Variants in CELF4 observed in about 807,000 individuals in gnomAD.
The protein encoded by CELF4 is CUGBP Elav-like family member 4, also known as CUG-BP- and ETR-3-like factor 4.
A neutral mutation model predicts 59.9 loss-of-function variants in CELF4; 18 were observed. The observed-to-expected ratio is 0.30, with a 90% confidence interval of 0.21 to 0.45. The LOEUF (loss-of-function observed/expected upper bound fraction) is 0.45, where lower values mean the gene tolerates loss of function less well. CELF4 is among the 20% of genes least tolerant of loss of function. The pLI, the probability that CELF4 is intolerant of heterozygous loss-of-function variation, is 1.00. For synonymous variants in CELF4, 261 were observed against 267.1 expected (o/e 0.98, Z 0.22); for missense variants, 456 against 689.0 (o/e 0.66, Z 3.79).
intron 3 of CELF4, among the ~76,000 whole-genome samples, chr18:37,303,274 C>T (rs2096190790): frequency 6.6e-6 from 1 of 152,124 alleles, no homozygotes; most frequent in South Asian, 2.1e-4. Context: ...CTACCCAGGC[C>T]CCCTGCAAAG....
chr18:37,473,860 T>C (rs1470094652), intron 2 of CELF4: 1 of 152,274 alleles, frequency 6.6e-6, no homozygotes, highest in African/African-American at 2.4e-5. Context: ...GGAAGACATG[T>C]GCATAGTCTT....
At chr18:37,351,568 C>T (rs1378699593) in intron 2 of CELF4, among the ~76,000 whole-genome samples, 1 of 151,704 alleles carries the variant, frequency 6.6e-6, no homozygotes, top group Non-Finnish European at 1.5e-5. Context: ...TGTCCAGAAA[C>T]ACAGTTTTCA....
chr18:37,315,162 G>T (rs922031243), intron 3 of CELF4, among the ~76,000 whole-genome samples: 1 of 152,112 alleles, frequency 6.6e-6, no homozygotes, highest in Non-Finnish European at 1.5e-5. Context: ...TCCCTCCCAA[G>T]CCTGTGCCTT....
intron 2 of CELF4, among the ~76,000 whole-genome samples, chr18:37,423,419 C>A (rs1220631378): frequency 6.6e-6 from 1 of 152,086 alleles, no homozygotes; most frequent in Non-Finnish European, 1.5e-5. Context: ...GGAAGACTGC[C>A]TGGAGGAGGC....
chr18:37,391,990 G>A (rs1308299536), intron 2 of CELF4, among the ~76,000 whole-genome samples: 1 of 152,202 alleles, frequency 6.6e-6, no homozygotes, highest in African/African-American at 2.4e-5. Context: ...AGTGTGCAAG[G>A]CTGAGAACCA....
In CELF4 at chr18:37,444,728, G is replaced by T. The variant is rs375959192; in HGVS notation, c.369+40797C>A. Among the ~76,000 whole-genome samples, 118 of 152,102 alleles carry T rather than the reference G, an allele frequency of 7.8e-4. 3 individuals carry two copies. In the South Asian group the frequency reaches 0.022, roughly 28 times the overall value. Reference sequence around the variant, plus strand: ...GGGTGGGCTAGTTCCTGGGTATGGGGTGTTTCTCTGCACTGTCCATGGCCC... The same window carrying T: ...GGGTGGGCTAGTTCCTGGGTATGGGTTGTTTCTCTGCACTGTCCATGGCCC... On this transcript the variant is annotated intron_variant, in intron 2 of 12. Transcript: ENST00000420428.
At chr18:37,330,771 G>A (rs2097513349) in intron 2 of CELF4, among the ~76,000 whole-genome samples, 1 of 152,130 alleles carries the variant, frequency 6.6e-6, no homozygotes. Context: ...AGAGTGCCCA[G>A]AGGCCAGAAT....
rs1009927694 is a variant in CELF4, at chr18:37,444,442, C to T, written c.369+41083G>A. ...CAGCGGGCATCATCTGTGAGTCCTT[C>T]GGGGGTGCTGGACTCCATTTATGGT... On this transcript the variant is annotated intron_variant, in intron 2 of 12. Transcript: ENST00000420428. Among the ~76,000 whole-genome samples the T allele has an allele frequency of 3.3e-5, 5 of 152,186 alleles. No individual in the cohort carries two copies. In the South Asian group the frequency reaches 6.2e-4, roughly 19 times the overall value.
At chr18:37,441,022 C>T (rs1487769459) in intron 2 of CELF4, among the ~76,000 whole-genome samples, 1 of 152,212 alleles carries the variant, frequency 6.6e-6, no homozygotes, top group Non-Finnish European at 1.5e-5. Context: ...AACGTTACTA[C>T]CACCACAACC....
At chr18:37,555,552 G>A (rs1318807122) in intron 1 of CELF4, among the ~76,000 whole-genome samples, 3 of 152,180 alleles carry the variant, frequency 2.0e-5, no homozygotes, top group Non-Finnish European at 2.9e-5. Context: ...AATTTTACAT[G>A]GGCATAATTT....
Position 37,254,006 on chromosome 18 carries a change from G to C in CELF4, c.1334-68C>G, listed in dbSNP as rs1240524118. Reference sequence around the variant, plus strand: ...CGCCCGGGGCGCTGCCGGCGGGGAGGGGTCGGGGGACAGGGGGGCGGGGCG... The same window carrying C: ...CGCCCGGGGCGCTGCCGGCGGGGAGCGGTCGGGGGACAGGGGGGCGGGGCG... On this transcript the variant is annotated intron_variant, in intron 11 of 12. Coordinates refer to ENST00000420428, the MANE Select transcript of CELF4 (RefSeq NM_020180.4). The surrounding 1 kb of genome is among the most constrained non-coding windows in gnomAD (Gnocchi z 5.1). The C allele has an allele frequency of 5.1e-6, 7 of 1,372,998 alleles. No individual in the cohort carries two copies. Among genetic ancestry groups the C allele is most frequent in the Non-Finnish European group, 6.9e-6 (7 of 1,019,808 alleles). 85.1% of individuals were successfully genotyped at this position (1,372,998 alleles called of 1,614,324 possible).
At chr18:37,520,717 A>G (rs1013854077) in intron 1 of CELF4, among the ~76,000 whole-genome samples, 2 of 152,100 alleles carry the variant, frequency 1.3e-5, no homozygotes, top group African/African-American at 4.8e-5. Context: ...CTCAGATCCC[A>G]AGACATTTAG....
chr18:37,518,631 G>T (rs770579800), intron 1 of CELF4, among the ~76,000 whole-genome samples: 7 of 152,050 alleles, frequency 4.6e-5, no homozygotes, highest in African/African-American at 7.2e-5. Context: ...GCTCCTGAAG[G>T]CTGCTGGGGC....
chr18:37,270,845 A>G lies in CELF4; in HGVS notation c.1022T>C (p.Phe341Ser). Residue 341 changes from phenylalanine (F) to serine (S), a missense_variant, in exon 8 of 13, where the codon TTC (phenylalanine) becomes TCC (serine). Physicochemically the swap from Phe to Ser is radical, Grantham distance 155 (BLOSUM62 -2). Around this residue, in one of 7 missense-constraint regions of CELF4, gnomAD observed 256 missense variants for 340.8 expected, o/e 0.75. Transcript: ENST00000420428. ...ATTGGCCTGTGGGGGGAGGCCGGTG[A>G]AGCCATTCACCCCAATGGGGGATGG... ...SIPSPIGVNG[F>S]TGLPPQANGQ... 1 of 1,613,842 alleles carries G rather than the reference A, an allele frequency of 6.2e-7. No individual in the cohort carries two copies. The highest frequency in any genetic ancestry group is 1.3e-5 in the African/African-American group (1 of 75,056).
In CELF4 at chr18:37,481,862, C is replaced by T. The variant is rs528892135; in HGVS notation, c.369+3663G>A. On this transcript the variant is annotated intron_variant, in intron 2 of 12. Coordinates refer to ENST00000420428, the MANE Select transcript of CELF4 (RefSeq NM_020180.4). ...TTTGGTAGCAGACTCAGTGCTGGTCCTGGCTCGGCCACTTATCAATTTTGT... is the reference window on the plus strand; with the variant it reads ...TTTGGTAGCAGACTCAGTGCTGGTCTTGGCTCGGCCACTTATCAATTTTGT... Among the ~76,000 whole-genome samples, 14 of 152,344 alleles carry T rather than the reference C, an allele frequency of 9.2e-5. No homozygotes were observed. The East Asian group carries it at 2.1e-3, about 23-fold the overall frequency.
At chr18:37,370,157 C>A (rs1345996178) in intron 2 of CELF4, among the ~76,000 whole-genome samples, 2 of 152,180 alleles carry the variant, frequency 1.3e-5, no homozygotes, top group Non-Finnish European at 2.9e-5. Flanking sequence ...GCTTCCAATC[C>A]AATAGGTCCT....
At chr18:37,260,015 C>T (rs546854236) in intron 10 of CELF4, among the ~76,000 whole-genome samples, 1 of 152,350 alleles carries the variant, frequency 6.6e-6, no homozygotes, top group South Asian at 2.1e-4. Flanking sequence ...TCAGGCTGTT[C>T]TGAGCACTTT....
chr18:37,276,620 A>C (rs2093337343), intron 3 of CELF4: 2 of 152,100 alleles, frequency 1.3e-5, no homozygotes, highest in Admixed American at 1.3e-4. Context: ...GGATAATTCC[A>C]GCTCCCAGCC....
At chr18:37,440,841 C>G (rs1400682706) in intron 2 of CELF4, among the ~76,000 whole-genome samples, 2 of 152,132 alleles carry the variant, frequency 1.3e-5, no homozygotes, top group Non-Finnish European at 2.9e-5. Context: ...CTCCAAGGAC[C>G]TTGGACAAAC....
Sources: gnomAD v4.1 joint callset for allele counts (sites outside exome capture counted in the v4.1 genomes callset) on GRCh38, gnomAD v4.1.1 for gene constraint, gnomAD v4.1.1 regional missense constraint, Gnocchi (gnomAD v3.1) non-coding constraint, MANE v1.5 for transcripts, NCBI Gene and HGNC (gene_info 2026-07-23, HGNC 2026-07-21) for gene names.